Variants in REPS2 observed in about 807,000 individuals in gnomAD.
REPS2 encodes the protein ralBP1-associated Eps domain-containing protein 2.
Under a neutral mutation model 53.6 loss-of-function variants are expected in REPS2, and 23 were observed. The observed-to-expected ratio is 0.43, with a 90% confidence interval of 0.31 to 0.61. The LOEUF (loss-of-function observed/expected upper bound fraction) is 0.61, where lower values mean the gene tolerates loss of function less well. Ranked by LOEUF, REPS2 falls within the 20% of genes least tolerant of loss-of-function variation. REPS2 has a pLI of 0.11. For synonymous variants in REPS2, 238 were observed against 218.6 expected, an observed-to-expected ratio of 1.09 and a Z score of -0.78; for missense variants, 446 against 534.9, an observed-to-expected ratio of 0.83 and a Z score of 1.64.
At chrX:17,007,468 A>G (rs1490521279) in intron 2 of REPS2, among the ~76,000 whole-genome samples, 1 of 111,965 alleles carries the variant, frequency 8.9e-6, no homozygotes, top group Non-Finnish European at 1.9e-5. Context: ...TTCGTTTTCC[A>G]CTTTGCAGTG....
chrX:17,123,093 G>A (rs1374046832), intron 14 of REPS2, among the ~76,000 whole-genome samples: 1 of 112,154 alleles, frequency 8.9e-6, no homozygotes, highest in East Asian at 2.8e-4. Context: ...ATAATGAAGT[G>A]CCTTTCAATT....
At chrX:17,180,766 A>G in the REPS2 span, among the ~76,000 whole-genome samples, 1 of 111,532 alleles carries the variant, frequency 9.0e-6, no homozygotes, top group Non-Finnish European at 1.9e-5. Flanking sequence ...CACAGATGAT[A>G]GTGATGATGA....
Position 17,034,230 on chromosome X carries a change from G to A in REPS2, c.771+4607G>A, listed in dbSNP as rs72616033. ...TTGTATCATTCTAGGAACATTTTAC[G>A]CATGTACATGCAAATATAGGTATTC... On this transcript the variant is annotated intron_variant, in intron 5 of 17. Transcript: ENST00000357277. Among the ~76,000 whole-genome samples, 11 of 111,453 alleles carry A rather than the reference G, an allele frequency of 9.9e-5. No homozygotes were observed. The East Asian group carries it at 1.7e-3, about 17-fold the overall frequency.
intron 17 of REPS2, among the ~76,000 whole-genome samples, chrX:17,145,716 C>CT (rs779956938): frequency 1.6e-3 from 180 of 111,680 alleles, no homozygotes; most frequent in Admixed American, 2.4e-3. Context: ...AGTTGCTCCC[C>CT]TGCTTCCACT....
At chrX:17,015,024 G>A (rs185045337) in intron 2 of REPS2, among the ~76,000 whole-genome samples, 13 of 113,053 alleles carry the variant, frequency 1.1e-4, no homozygotes, top group South Asian at 3.6e-4. Context: ...TGTGGCCTCC[G>A]GCCAGTTTCT....
the REPS2 span, among the ~76,000 whole-genome samples, chrX:17,161,356 A>G: frequency 8.9e-6 from 1 of 112,056 alleles, no homozygotes; most frequent in African/African-American, 3.2e-5. Flanking sequence ...CAATGTAATC[A>G]CAGTAACTCT....
At chrX:16,967,862 T>C (rs982984626) in intron 1 of REPS2, among the ~76,000 whole-genome samples, 8 of 108,525 alleles carry the variant, frequency 7.4e-5, no homozygotes. Context: ...TTTTTTTTAA[T>C]TGATCATTCT....
At chrX:17,192,531 G>A in the REPS2 span, among the ~76,000 whole-genome samples, 3 of 111,748 alleles carry the variant, frequency 2.7e-5, no homozygotes, top group Admixed American at 9.5e-5. Context: ...AGATGAGAAG[G>A]AGGACAGGAA....
At position 16,988,122 on chromosome X, in the gene REPS2, T is replaced by TA. The variant is rs1045811585; in HGVS notation, c.274-18089dup. 2.6e-3 allele frequency among the ~76,000 whole-genome samples: 280 copies of TA among 107,189 alleles called. 1 individual carries two copies. The highest frequency in any genetic ancestry group is 9.1e-3 in the African/African-American group (270 of 29,570). The allele number at this position is 107,189 out of a possible 115,157, so 93.1% of individuals were successfully genotyped here. ...ACCCCCATCTCTACAAAAGTAAAAA[T>TA]AAAAAAAAAATTAGCAGGGTGTTAT... On this transcript the variant is annotated intron_variant, in intron 1 of 17. Transcript: ENST00000357277.
Position 17,036,809 on chromosome X carries a change from ATAGAGG to A in REPS2, c.771+7192_771+7197del, listed in dbSNP as rs777828108. Among the ~76,000 whole-genome samples the A allele has an allele frequency of 6.8e-5, 7 of 103,424 alleles. No homozygotes were observed. The East Asian group carries it at 2.2e-3, about 32-fold the overall frequency. The allele number at this position is 103,424 out of a possible 115,157, so 89.8% of individuals were successfully genotyped here. A position where few individuals can be genotyped will look rare whatever the true frequency, so the allele number is the denominator to read the frequency against. Reference sequence around the variant, plus strand: ...TCACTGAAATGGGTGGGAGGAGGAGATAGAGGTAGAGATAAAGATAGATAGAGGGAG... The same window carrying A: ...TCACTGAAATGGGTGGGAGGAGGAGATAGAGATAAAGATAGATAGAGGGAG... On this transcript the variant is annotated intron_variant, in intron 5 of 17. Coordinates refer to ENST00000357277, the MANE Select transcript of REPS2 (RefSeq NM_004726.3).
At chrX:16,955,391 A>G (rs191557495) in intron 1 of REPS2, among the ~76,000 whole-genome samples, 1 of 111,503 alleles carries the variant, frequency 9.0e-6, no homozygotes, top group Admixed American at 9.6e-5. Flanking sequence ...GAATTACCAC[A>G]AACTTAGCAG....
At chrX:17,030,314 GGTGTGTGT>G (rs3222673) in intron 5 of REPS2, among the ~76,000 whole-genome samples, 3 of 101,911 alleles carry the variant, frequency 2.9e-5, no homozygotes, top group African/African-American at 7.2e-5. Context: ...CTCAAAGAAG[GGTGTGTGT>G]GTGTGTGTGT....
chrX:17,096,662 AAAAAAAAAAAAAAAAAAAAAG>A (rs2062706227), intron 13 of REPS2, among the ~76,000 whole-genome samples: 1 of 28,067 alleles, frequency 3.6e-5, no homozygotes, highest in Non-Finnish European at 5.8e-5. Context: ...TCCGTCTCAA[AAAAAAAAAAAAAAAAAAAAAG>A]AAAAGAAAAG....
chrX:17,047,524 T>C (rs1372109172), intron 6 of REPS2, 42 bp downstream of exon 6: 2 of 1,176,843 alleles, frequency 1.7e-6, no homozygotes, highest in Admixed American at 5.2e-5. Context: ...CACCAGAACA[T>C]AGCCACCATC....
chrX:17,042,439 T>C (rs2061842846), intron 5 of REPS2, among the ~76,000 whole-genome samples: 1 of 111,746 alleles, frequency 8.9e-6, no homozygotes, highest in South Asian at 3.7e-4. Flanking sequence ...GGTTGATTGT[T>C]GGACTGGTTC....
At chrX:17,043,699 C>T (rs1318096427) in intron 5 of REPS2, among the ~76,000 whole-genome samples, 1 of 112,638 alleles carries the variant, frequency 8.9e-6, no homozygotes, top group Non-Finnish European at 1.9e-5. Flanking sequence ...GAATGAGCAT[C>T]TGACCTAAGC....
At chrX:17,192,626 G>A in the REPS2 span, among the ~76,000 whole-genome samples, 1 of 111,396 alleles carries the variant, frequency 9.0e-6, no homozygotes, top group Non-Finnish European at 1.9e-5. Context: ...AAAATTTTTG[G>A]TCTAACATTT....
chrX:17,063,901 A>G (rs1439078617), intron 9 of REPS2, among the ~76,000 whole-genome samples: 1 of 98,045 alleles, frequency 1.0e-5, no homozygotes, highest in Non-Finnish European at 2.0e-5. Context: ...TCTGTTACAC[A>G]TGCACACGTC....
intron 2 of REPS2, among the ~76,000 whole-genome samples, chrX:17,015,901 A>T (rs2061486915): frequency 8.9e-6 from 1 of 111,983 alleles, no homozygotes. Flanking sequence ...TAGCAGCATG[A>T]TTTATAATCC....
Sources: gnomAD v4.1 joint callset for allele counts (sites outside exome capture counted in the v4.1 genomes callset) on GRCh38, gnomAD v4.1.1 for gene constraint, MANE v1.5 for transcripts, NCBI Gene and HGNC (gene_info 2026-07-23, HGNC 2026-07-21) for gene names.